VTI1A: variants seen among roughly 807,000 people sequenced by gnomAD.
VTI1A encodes the protein vesicle transport through interaction with t-SNAREs 1A.
VTI1A carries 22 observed loss-of-function variants against 34.9 expected under a neutral mutation model. The observed-to-expected ratio is 0.63, with a 90% CI of 0.45 to 0.90. The LOEUF (loss-of-function observed/expected upper bound fraction) is 0.90. Among genes scored for constraint, VTI1A ranks in the 40% least tolerant of loss-of-function variants. The pLI is 0.00. For synonymous variants in VTI1A, 87 were observed against 97.3 expected, an observed-to-expected ratio of 0.89 and a Z score of 0.62; for missense variants, 268 against 275.6, an observed-to-expected ratio of 0.97 and a Z score of 0.20.
chr10:112,686,868 T>C (rs1469699886), intron 7 of VTI1A, among the ~76,000 whole-genome samples: 3 of 152,164 alleles, frequency 2.0e-5, no homozygotes, highest in African/African-American at 7.2e-5. Flanking sequence ...AAACTATGTA[T>C]ATAGACAGGA....
the VTI1A span, among the ~76,000 whole-genome samples, chr10:112,849,969 A>G: frequency 6.6e-6 from 1 of 152,164 alleles, no homozygotes; most frequent in African/African-American, 2.4e-5. Flanking sequence ...CCCGGCCCTC[A>G]CCCAGGAAGG....
chr10:112,843,308 C>A, the VTI1A span, among the ~76,000 whole-genome samples: 2 of 152,230 alleles, frequency 1.3e-5, no homozygotes, highest in Non-Finnish European at 2.9e-5. Context: ...TCAGCAAAGC[C>A]ACAAACCAGG....
intron 3 of VTI1A, among the ~76,000 whole-genome samples, chr10:112,493,702 C>A (rs539616812): frequency 6.6e-6 from 1 of 152,220 alleles, no homozygotes; most frequent in Non-Finnish European, 1.5e-5. Context: ...TCATCAAATT[C>A]TATTTCATTC....
intron 7 of VTI1A, among the ~76,000 whole-genome samples, chr10:112,801,036 G>A (rs1173699068): frequency 6.6e-6 from 1 of 152,186 alleles, no homozygotes; most frequent in Non-Finnish European, 1.5e-5. Flanking sequence ...AGGCTGAAAA[G>A]GATGAGGGAC....
chr10:112,562,488 C>T (rs1776069390), intron 5 of VTI1A, among the ~76,000 whole-genome samples: 1 of 151,820 alleles, frequency 6.6e-6, no homozygotes. Context: ...AGGTAACTTC[C>T]AGAAATGGAA....
At chr10:112,536,722 A>G (rs1850631919) in intron 4 of VTI1A, among the ~76,000 whole-genome samples, 1 of 151,972 alleles carries the variant, frequency 6.6e-6, no homozygotes, top group South Asian at 2.1e-4. Flanking sequence ...TCTGTTCTAA[A>G]TGCATTGTTT....
At chr10:112,468,729 T>A (rs1348191471) in intron 3 of VTI1A, among the ~76,000 whole-genome samples, 2 of 152,210 alleles carry the variant, frequency 1.3e-5, no homozygotes, top group African/African-American at 4.8e-5. Flanking sequence ...CTTCCATGGC[T>A]GCGTCTATAC....
chr10:112,802,759 C>T (rs1349987208), intron 7 of VTI1A, among the ~76,000 whole-genome samples: 1 of 152,052 alleles, frequency 6.6e-6, no homozygotes, highest in East Asian at 1.9e-4. Flanking sequence ...GGAAGATTGT[C>T]CACTATTTAT....
At chr10:112,532,534 A>G (rs764983969) in intron 4 of VTI1A, among the ~76,000 whole-genome samples, 3 of 152,172 alleles carry the variant, frequency 2.0e-5, no homozygotes, top group Non-Finnish European at 1.5e-5. Context: ...AAACACACAC[A>G]CACCCACACG....
chr10:112,506,214 C>T (rs906005148), intron 3 of VTI1A, among the ~76,000 whole-genome samples: 4 of 152,040 alleles, frequency 2.6e-5, no homozygotes, highest in South Asian at 2.1e-4. Flanking sequence ...CACAATGATA[C>T]GTATTTGTGT....
intron 5 of VTI1A, among the ~76,000 whole-genome samples, chr10:112,551,777 T>C (rs1387110362): frequency 2.0e-5 from 3 of 151,978 alleles, no homozygotes; most frequent in African/African-American, 7.3e-5. Flanking sequence ...ATGGAATACA[T>C]AAGGAGAGGA....
intron 7 of VTI1A, among the ~76,000 whole-genome samples, chr10:112,726,347 C>A (rs1193048321): frequency 6.6e-6 from 1 of 152,200 alleles, no homozygotes; most frequent in African/African-American, 2.4e-5. Flanking sequence ...CCCTTTCTTA[C>A]ACAGACTATT....
At chr10:112,736,105 GTGTGTGTATATATATATATATA>G (rs999124222) in intron 7 of VTI1A, among the ~76,000 whole-genome samples, 4 of 90,302 alleles carry the variant, frequency 4.4e-5, no homozygotes, top group African/African-American at 3.0e-4. Flanking sequence ...ATATATATGT[GTGTGTGTATATATATATATATA>G]TATATATATA....
rs75466621 is a variant in VTI1A, at chr10:112,725,601, G to A, written c.560+56603G>A. ...TCATTAGGGATTACAACATGGTAAT[G>A]TTCACTTCTGTCATTCAGTTTGCAT... On this transcript the variant is annotated intron_variant, in intron 7 of 7. Coordinates refer to ENST00000393077, the MANE Select transcript of VTI1A (RefSeq NM_145206.4). 9.4e-3 allele frequency among the ~76,000 whole-genome samples: 1,425 copies of A among 152,252 alleles called. 24 individuals are homozygous for A. Among genetic ancestry groups the A allele is most frequent in the African/African-American group, 0.032 (1,320 of 41,534 alleles).
At chr10:112,763,076 C>A (rs1851525776) in intron 7 of VTI1A, among the ~76,000 whole-genome samples, 1 of 152,080 alleles carries the variant, frequency 6.6e-6, no homozygotes, top group South Asian at 2.1e-4. Context: ...TTAGTGGTAC[C>A]AGTTTGGTGA....
At position 112,668,950 on chromosome 10, in the gene VTI1A, A is replaced by G; in HGVS notation, c.512A>G (p.Asp171Gly). ...TTCTTCTTGTAGCTTCGGGAAACAGATGCTAATTTGGGAAAAAGCTCCAGG... is the reference window on the plus strand; with the variant it reads ...TTCTTCTTGTAGCTTCGGGAAACAGGTGCTAATTTGGGAAAAAGCTCCAGG... ...QRARERLRET[D>G]ANLGKSSRIL... Residue 171 changes from aspartate to glycine, a missense_variant, in exon 7 of 8, where the codon GAT becomes GGT. Asp to Gly is a moderately conservative substitution (Grantham distance 94). Transcript: ENST00000393077. 3 of 1,612,532 alleles carry G rather than the reference A, an allele frequency of 1.9e-6. No individual in the cohort carries two copies. Among genetic ancestry groups the G allele is most frequent in the Non-Finnish European group, 2.5e-6 (3 of 1,178,784 alleles).
chr10:112,583,953 A>C (rs1366703017), intron 5 of VTI1A, among the ~76,000 whole-genome samples: 1 of 152,176 alleles, frequency 6.6e-6, no homozygotes, highest in Admixed American at 6.5e-5. Context: ...CTCCCAGAAT[A>C]CCCAAAGTTG....
intron 7 of VTI1A, among the ~76,000 whole-genome samples, chr10:112,726,527 A>C (rs1469267397): frequency 6.6e-6 from 1 of 152,104 alleles, no homozygotes; most frequent in Non-Finnish European, 1.5e-5. Context: ...CAATCCCCTC[A>C]GGTGTGTGTG....
At chr10:112,658,928 T>C (rs922469457) in intron 5 of VTI1A, among the ~76,000 whole-genome samples, 2 of 152,262 alleles carry the variant, frequency 1.3e-5, no homozygotes, top group Non-Finnish European at 2.9e-5. Context: ...AAAAGATGTT[T>C]GCTAGCCACG....
Sources: gnomAD v4.1 joint callset for allele counts (sites outside exome capture counted in the v4.1 genomes callset) on GRCh38, gnomAD v4.1.1 for gene constraint, MANE v1.5 for transcripts, NCBI Gene and HGNC (gene_info 2026-07-23, HGNC 2026-07-21) for gene names.